Variants in EGFR observed in about 807,000 individuals in gnomAD.
EGFR encodes epidermal growth factor receptor.
In EGFR, 58 loss-of-function variants were observed where a neutral mutation model predicts 143.0. The observed-to-expected ratio is 0.41, with a 90% CI of 0.33 to 0.50. The LOEUF (loss-of-function observed/expected upper bound fraction) is 0.50. Ranked by LOEUF, EGFR falls within the 20% of genes least tolerant of loss-of-function variation. EGFR has a pLI of 0.39. For missense variants in EGFR, 1,307 were observed against 1,579.0 expected, an observed-to-expected ratio of 0.83 and a Z score of 2.92; for synonymous variants, 613 against 594.4, an observed-to-expected ratio of 1.03 and a Z score of -0.45.
rs147172019 is a variant in EGFR at position 55,112,239 on chromosome 7, G to C, written c.89-30047G>C. On this transcript the variant is annotated intron_variant, in intron 1 of 27. Coordinates refer to ENST00000275493, the MANE Select transcript of EGFR (RefSeq NM_005228.5). ...CACTTTGATAGCCACACGATTTAAG[G>C]GTGGTTCAGTAGTGATTTGATGAGT... Among the ~76,000 whole-genome samples, 277 of 152,312 alleles carry C rather than the reference G, an allele frequency of 1.8e-3. 1 individual carries two copies. Among genetic ancestry groups the C allele is most frequent in the African/African-American group, 6.4e-3 (267 of 41,566 alleles).
chr7:55,114,293 A>C (rs1358993541), intron 1 of EGFR, among the ~76,000 whole-genome samples: 1 of 152,158 alleles, frequency 6.6e-6, no homozygotes, highest in Admixed American at 6.5e-5. Flanking sequence ...TATAATCCCA[A>C]CACTTTAGAG....
chr7:55,090,999 C>T lies in EGFR; in HGVS notation c.89-51287C>T, dbSNP rs1275049552. ...TTTTTCAAGACATACAATGTTCCTC[C>T]GGGGGTCAGGCACTGTGTTTAGCAC... On this transcript the variant is annotated intron_variant, in intron 1 of 27. Transcript: ENST00000275493. Among the ~76,000 whole-genome samples, 3 of 152,168 alleles carry T rather than the reference C, an allele frequency of 2.0e-5. No individual in the cohort carries two copies. The East Asian group carries it at 5.8e-4, about 29-fold the overall frequency.
At chr7:55,151,947 C>T (rs1785180387) in intron 5 of EGFR, among the ~76,000 whole-genome samples, 1 of 152,242 alleles carries the variant, frequency 6.6e-6, no homozygotes, top group Non-Finnish European at 1.5e-5. Flanking sequence ...CTGAACACAG[C>T]ACACTTTCCC....
At chr7:55,028,031 C>G (rs1349135482) in intron 1 of EGFR, among the ~76,000 whole-genome samples, 3 of 123,698 alleles carry the variant, frequency 2.4e-5, no homozygotes, top group African/African-American at 8.7e-5. Flanking sequence ...TATATACACA[C>G]ACACACACAT....
At chr7:55,088,469 C>A (rs1187795193) in intron 1 of EGFR, among the ~76,000 whole-genome samples, 1 of 152,222 alleles carries the variant, frequency 6.6e-6, no homozygotes, top group African/African-American at 2.4e-5. Flanking sequence ...GGTCACACTT[C>A]TGGTTGTTCA....
At chr7:55,091,131 T>C (rs1369605072) in intron 1 of EGFR, among the ~76,000 whole-genome samples, 3 of 152,220 alleles carry the variant, frequency 2.0e-5, no homozygotes, top group African/African-American at 7.2e-5. Context: ...CAATTTCTAA[T>C]TTAAAGACCC....
intron 1 of EGFR, among the ~76,000 whole-genome samples, chr7:55,029,958 C>A (rs1163146244): frequency 1.3e-5 from 2 of 152,192 alleles, no homozygotes; most frequent in African/African-American, 4.8e-5. Flanking sequence ...ATAATAACAA[C>A]ACCTCGCATT....
intron 20 of EGFR, among the ~76,000 whole-genome samples, chr7:55,184,432 AGTT>A (rs1202641430): frequency 2.0e-5 from 3 of 152,174 alleles, no homozygotes; most frequent in African/African-American, 7.2e-5. Context: ...CTCACATTCC[AGTT>A]GGCCTGACCT....
Position 55,171,208 on chromosome 7 carries a change from G to A in EGFR, c.1914G>A (p.Thr638=), listed in dbSNP as rs146783627. The change falls in exon 16 of 28, where the codon ACG becomes ACA. Residue 638 remains threonine (T), a synonymous_variant. Coordinates refer to ENST00000275493, the MANE Select transcript of EGFR (RefSeq NM_005228.5). ...GGCCAGGTCTTGAAGGCTGTCCAAC[G>A]AATGGGTAAGTGTTCACAGCTCTGT... is the stretch of plus-strand genomic sequence containing the variant. ...CTGPGLEGCP[T]NGPKIPSIAT... 2.0e-4 allele frequency: 324 copies of A among 1,614,076 alleles called. No homozygotes were observed. The highest frequency in any genetic ancestry group is 2.5e-4 in the Non-Finnish European group (299 of 1,180,044).
chr7:55,070,549 C>T (rs1789759216), intron 1 of EGFR, among the ~76,000 whole-genome samples: 2 of 152,202 alleles, frequency 1.3e-5, no homozygotes, highest in South Asian at 2.1e-4. Context: ...GCAGCAGCAG[C>T]CTGTGAAACA....
intron 1 of EGFR, among the ~76,000 whole-genome samples, chr7:55,130,237 G>A (rs931772830): frequency 2.0e-5 from 3 of 152,196 alleles, no homozygotes; most frequent in African/African-American, 7.2e-5. Context: ...AGGCAGGGGA[G>A]CCATCTAATG....
At chr7:55,108,064 T>G (rs1176252103) in intron 1 of EGFR, among the ~76,000 whole-genome samples, 1 of 152,206 alleles carries the variant, frequency 6.6e-6, no homozygotes, top group African/African-American at 2.4e-5. Context: ...AGACAAAAGT[T>G]CTATTCTTTT....
At chr7:55,199,151 A>G (rs966310019) in intron 23 of EGFR, among the ~76,000 whole-genome samples, 1 of 152,246 alleles carries the variant, frequency 6.6e-6, no homozygotes, top group South Asian at 2.1e-4. Flanking sequence ...GAGTTACTCA[A>G]TGAAATACCG....
At chr7:55,102,978 C>T (rs944450684) in intron 1 of EGFR, among the ~76,000 whole-genome samples, 1 of 152,210 alleles carries the variant, frequency 6.6e-6, no homozygotes, top group African/African-American at 2.4e-5. Flanking sequence ...CGTGCTTTGA[C>T]TTCTGTAGAT....
intron 1 of EGFR, among the ~76,000 whole-genome samples, chr7:55,073,525 C>T (rs1484515888): frequency 6.6e-6 from 1 of 152,156 alleles, no homozygotes; most frequent in African/African-American, 2.4e-5. Flanking sequence ...GATTGCAGCT[C>T]ACATTTTGTA....
chr7:55,100,755 C>T (rs1427558149), intron 1 of EGFR, among the ~76,000 whole-genome samples: 1 of 152,212 alleles, frequency 6.6e-6, no homozygotes, highest in Non-Finnish European at 1.5e-5. Context: ...CACTCGGAGG[C>T]TCTATCCAGA....
intron 1 of EGFR, among the ~76,000 whole-genome samples, chr7:55,137,678 C>G (rs1430637868): frequency 6.6e-6 from 1 of 152,232 alleles, no homozygotes; most frequent in Non-Finnish European, 1.5e-5. Context: ...TGGAGCACAA[C>G]AACAGAGATG....
In EGFR at chr7:55,204,050, G is replaced by A. The variant is rs116326584; in HGVS notation, c.3272-1206G>A. ...TGTAATATCTAATATATAGTTTATTGGCTATCTAATATAATATAAACAGAT... is the reference window on the plus strand; with the variant it reads ...TGTAATATCTAATATATAGTTTATTAGCTATCTAATATAATATAAACAGAT... On this transcript the variant is annotated intron_variant, in intron 27 of 27. Coordinates refer to ENST00000275493, the MANE Select transcript of EGFR (RefSeq NM_005228.5). Among the ~76,000 whole-genome samples the A allele has an allele frequency of 9.6e-3, 1,456 of 150,966 alleles. 23 individuals carry two copies. The highest frequency in any genetic ancestry group is 0.034 in the African/African-American group (1,406 of 41,078).
chr7:55,174,520 A>G (rs1786502779), intron 18 of EGFR, among the ~76,000 whole-genome samples: 1 of 152,272 alleles, frequency 6.6e-6, no homozygotes, highest in Admixed American at 6.5e-5. Flanking sequence ...CTAAATAATC[A>G]GTGTGATTCG....
Sources: gnomAD v4.1 joint callset for allele counts (sites outside exome capture counted in the v4.1 genomes callset) on GRCh38, gnomAD v4.1.1 for gene constraint, MANE v1.5 for transcripts, NCBI Gene and HGNC (gene_info 2026-07-23, HGNC 2026-07-21) for gene names.